The following MRPL37 variants were observed in gnomAD, a reference collection of about 807,000 sequenced individuals.
MRPL37 encodes large ribosomal subunit protein mL37.
MRPL37 carries 34 observed loss-of-function variants against 44.1 expected under a neutral mutation model. The ratio of observed to expected loss-of-function variants is 0.77; its 90% CI spans 0.59 to 1.03. The LOEUF (loss-of-function observed/expected upper bound fraction) is 1.03. Among genes scored for constraint, MRPL37 ranks in the 50% least tolerant of loss-of-function variants. MRPL37 has a pLI of 0.00. For missense variants in MRPL37, 532 were observed against 543.7 expected (o/e 0.98, Z 0.21); for synonymous variants, 212 against 219.5 (o/e 0.97, Z 0.30).
At chr1:54,200,840 C>A (rs1644075323) in intron 1 of MRPL37, among the ~76,000 whole-genome samples, 1 of 152,232 alleles carries the variant, frequency 6.6e-6, no homozygotes. Flanking sequence ...CTAGCCCTGG[C>A]TCTCTCTCTT....
intron 5 of MRPL37, 82 bp downstream of exon 5, chr1:54,212,740 G>A: frequency 6.4e-7 from 1 of 1,551,416 alleles, no homozygotes; most frequent in Non-Finnish European, 8.8e-7. Flanking sequence ...AGGAAGAAAA[G>A]GGATATAGGG....
intron 3 of MRPL37, among the ~76,000 whole-genome samples, chr1:54,208,605 T>C (rs1644141852): frequency 6.7e-6 from 1 of 148,402 alleles, no homozygotes; most frequent in African/African-American, 2.5e-5. Flanking sequence ...AGTGCTCCTC[T>C]CTCTCTCCAT....
intron 3 of MRPL37, among the ~76,000 whole-genome samples, chr1:54,208,945 C>G (rs35840617): frequency 8.5e-5 from 13 of 152,084 alleles, no homozygotes; most frequent in African/African-American, 2.4e-5. Flanking sequence ...ATTCCCTCCC[C>G]CCACTCCGCC....
chr1:54,206,909 G>A (rs937521058), intron 3 of MRPL37, among the ~76,000 whole-genome samples: 9 of 101,450 alleles, frequency 8.9e-5, no homozygotes, highest in African/African-American at 3.3e-4. Flanking sequence ...TAATTTTTGT[G>A]TGTGTGTGTG....
Position 54,200,455 on chromosome 1 carries a change from C to A in MRPL37, c.212C>A (p.Ala71Glu), listed in dbSNP as rs760506338. The A allele has an allele frequency of 2.7e-5, 43 of 1,614,146 alleles. No individual in the cohort carries two copies. Among genetic ancestry groups the A allele is most frequent in the Non-Finnish European group, 3.4e-5 (40 of 1,180,064 alleles). The change falls in exon 1 of 7, where the codon GCG becomes GAG. Residue 71 changes from alanine to glutamate, a missense_variant. Transcript: ENST00000360840. ...AAGATGCACTTCGTGCCCTGGCTGG[C>A]GCGGCCGATCTTTCCGCCCTGGGAC... ...AGKMHFVPWLARPIFPPWDRG... is the reference protein window; with the variant it reads ...AGKMHFVPWLERPIFPPWDRG...
rs1570152430 is a variant in MRPL37 at position 54,216,221 on chromosome 1, T to G, written c.1071T>G (p.Phe357Leu). The change falls in exon 6 of 7, where the codon TTT (phenylalanine) becomes TTG (leucine). Residue 357 changes from phenylalanine (F) to leucine (L), a missense_variant. By Grantham distance (22) the Phe-to-Leu change is conservative. Coordinates refer to ENST00000360840, the MANE Select transcript of MRPL37 (RefSeq NM_016491.4). ...GACGTGTCTTCCATTTCCTAGTGTT[T>G]CAACTGAATACCACAGACCTGGACT... ...TDGRVFHFLVFQLNTTDLDCN... is the reference protein window; with the variant it reads ...TDGRVFHFLVLQLNTTDLDCN... The G allele has an allele frequency of 6.2e-7, 1 of 1,614,216 alleles. No individual in the cohort carries two copies. The highest frequency in any genetic ancestry group is 2.2e-5 in the East Asian group (1 of 44,878).
chr1:54,223,147 T>C (rs1021208108), downstream of MRPL37, among the ~76,000 whole-genome samples: 4 of 152,310 alleles, frequency 2.6e-5, no homozygotes, highest in South Asian at 2.1e-4. Context: ...CCCTCGTTGG[T>C]CTGATCTTTT....
downstream of MRPL37, chr1:54,225,203 A>ATATT (rs929356926): frequency 4.1e-6 from 5 of 1,234,350 alleles, no homozygotes; most frequent in Admixed American, 1.3e-4. Flanking sequence ...CGGCCCCCAA[A>ATATT]TATTTAAAGT....
intron 3 of MRPL37, 105 bp from the exon 4 acceptor site, chr1:54,209,841 C>T (rs1292078805): frequency 1.7e-6 from 2 of 1,175,654 alleles, no homozygotes; most frequent in Non-Finnish European, 2.4e-6. Context: ...CAATGATCCA[C>T]CTGCCTTGGC....
At chr1:54,224,271 G>A (rs894839306), downstream of MRPL37, among the ~76,000 whole-genome samples, 1 of 152,138 alleles carries the variant, frequency 6.6e-6, no homozygotes, top group Non-Finnish European at 1.5e-5. Flanking sequence ...AAAAGCCTAG[G>A]AAACCTTGTT....
downstream of MRPL37, chr1:54,225,434 C>T (rs1227132173): frequency 6.5e-6 from 8 of 1,230,478 alleles, no homozygotes; most frequent in Admixed American, 2.5e-4. Flanking sequence ...GGAAGGGCTG[C>T]GGAAAAAAGA....
intron 6 of MRPL37, among the ~76,000 whole-genome samples, chr1:54,217,669 C>G (rs995398411): frequency 2.0e-5 from 3 of 152,198 alleles, no homozygotes; most frequent in African/African-American, 7.2e-5. Context: ...GCAAGTCAGT[C>G]ATTTCTTCCT....
intron 1 of MRPL37, among the ~76,000 whole-genome samples, chr1:54,203,984 G>T (rs1186100218): frequency 6.6e-6 from 1 of 152,214 alleles, no homozygotes; most frequent in Non-Finnish European, 1.5e-5. Flanking sequence ...GAGAGAGACT[G>T]TGACCCAGAA....
At chr1:54,221,788 G>T (rs1327135005), downstream of MRPL37, among the ~76,000 whole-genome samples, 1 of 152,234 alleles carries the variant, frequency 6.6e-6, no homozygotes, top group Non-Finnish European at 1.5e-5. Flanking sequence ...GGTCCAGACT[G>T]GAGATTGAGC....
chr1:54,220,167 T>G (rs965967666), downstream of MRPL37, among the ~76,000 whole-genome samples: 8 of 151,566 alleles, frequency 5.3e-5, no homozygotes, highest in Non-Finnish European at 1.0e-4. Context: ...GGGCAAGTGG[T>G]GGTGATGGCT....
chr1:54,218,332 C>T lies in MRPL37; in HGVS notation c.*83C>T, dbSNP rs373173369. Reference sequence around the variant, plus strand: ...CTGGGCCCCGTGGAGCCTCAGTGCCCGTTTGGCCTGCTGCTCTCGCTGACA... The same window carrying T: ...CTGGGCCCCGTGGAGCCTCAGTGCCTGTTTGGCCTGCTGCTCTCGCTGACA... On this transcript the variant is annotated 3_prime_UTR_variant, in exon 7 of 7. Transcript: ENST00000360840. 38 of 1,604,254 alleles carry T rather than the reference C, an allele frequency of 2.4e-5. No individual in the cohort carries two copies. In the East Asian group the frequency reaches 3.8e-4, roughly 16 times the overall value.
At chr1:54,225,441 A>C (rs1003816344), downstream of MRPL37, 3 of 1,227,662 alleles carry the variant, frequency 2.4e-6, no homozygotes, top group Non-Finnish European at 2.0e-6. Context: ...CTGCGGAAAA[A>C]AGATGTCCCT....
At chr1:54,221,936 T>G (rs905595615), downstream of MRPL37, among the ~76,000 whole-genome samples, 5 of 152,316 alleles carry the variant, frequency 3.3e-5, no homozygotes, top group East Asian at 1.9e-4. Flanking sequence ...CCTGGGGTAC[T>G]GGGTGGACAC....
At chr1:54,225,135 G>T (rs1426577035), downstream of MRPL37, 26 of 1,234,190 alleles carry the variant, frequency 2.1e-5, no homozygotes, top group Middle Eastern at 2.1e-4. Flanking sequence ...AAAAATAAAA[G>T]ACATTCCAGC....
Sources: gnomAD v4.1 joint callset for allele counts (sites outside exome capture counted in the v4.1 genomes callset) on GRCh38, gnomAD v4.1.1 for gene constraint, MANE v1.5 for transcripts, NCBI Gene and HGNC (gene_info 2026-07-23, HGNC 2026-07-21) for gene names.